The following FAM107B variants were observed in gnomAD, a reference collection of about 807,000 sequenced individuals.
FAM107B encodes protein FAM107B.
In FAM107B, 21 loss-of-function variants were observed where a neutral mutation model predicts 31.5. That is an observed-to-expected ratio of 0.67 (90% CI 0.47 to 0.96). The LOEUF is 0.96. FAM107B is among the 40% of genes least tolerant of loss of function. FAM107B has a pLI of 0.00. For missense variants in FAM107B, 452 were observed against 377.1 expected, an observed-to-expected ratio of 1.20 and a Z score of -1.64; for synonymous variants, 157 against 141.5, an observed-to-expected ratio of 1.11 and a Z score of -0.78.
intron 1 of FAM107B, among the ~76,000 whole-genome samples, chr10:14,769,357 C>A (rs1450792311): frequency 6.6e-6 from 1 of 152,026 alleles, no homozygotes; most frequent in Non-Finnish European, 1.5e-5. Context: ...GCCCTGTTTC[C>A]CTTCACTTTT....
At chr10:14,645,757 T>C (rs1319599723) in intron 2 of FAM107B, among the ~76,000 whole-genome samples, 1 of 152,234 alleles carries the variant, frequency 6.6e-6, no homozygotes, top group Non-Finnish European at 1.5e-5. Context: ...TTTTTTACTA[T>C]TCCCAGCTCC....
At chr10:14,629,285 A>T (rs1454189529) in intron 2 of FAM107B, among the ~76,000 whole-genome samples, 1 of 113,424 alleles carries the variant, frequency 8.8e-6, no homozygotes, top group African/African-American at 3.4e-5. Context: ...ATATATTATA[A>T]ATATAAATTG....
chr10:14,708,185 C>A (rs906903147), intron 1 of FAM107B, among the ~76,000 whole-genome samples: 1 of 152,164 alleles, frequency 6.6e-6, no homozygotes, highest in African/African-American at 2.4e-5. Context: ...TCAAGAGATT[C>A]TCCTTTCTCA....
rs555653869 is a variant in FAM107B at position 14,760,893 on chromosome 10, T to C, written c.411+13360A>G. Among the ~76,000 whole-genome samples the C allele has an allele frequency of 1.3e-3, 201 of 151,776 alleles. 2 individuals carry two copies. In the South Asian group the frequency reaches 0.04, roughly 30 times the overall value. On this transcript the variant is annotated intron_variant, in intron 1 of 4. Coordinates refer to ENST00000181796, the MANE Select transcript of FAM107B (RefSeq NM_031453.4). ...TCAGCATGGTGGCACATGCTTGTAA[T>C]TTCAGCTACTCGAGAGACTGAGGCA...
At chr10:14,628,176 G>C (rs1853223237) in intron 2 of FAM107B, among the ~76,000 whole-genome samples, 1 of 138,022 alleles carries the variant, frequency 7.2e-6, no homozygotes, top group Non-Finnish European at 1.5e-5. Flanking sequence ...GAGTGCAGTG[G>C]CGCGATCTCA....
At chr10:14,608,755 G>C (rs773596816) in intron 2 of FAM107B, among the ~76,000 whole-genome samples, 15 of 152,174 alleles carry the variant, frequency 9.9e-5, no homozygotes, top group Non-Finnish European at 1.9e-4. Flanking sequence ...AATGTCACAA[G>C]GTCAGCCCAA....
In FAM107B at chr10:14,629,484, C is replaced by T. The variant is rs1202877373; in HGVS notation, c.469+38150G>A. Reference sequence around the variant, plus strand: ...ATATATATATTTAATATATATATAACATATATAATATATATATATTTAATA... The same window carrying T: ...ATATATATATTTAATATATATATAATATATATAATATATATATATTTAATA... On this transcript the variant is annotated intron_variant, in intron 2 of 4. Coordinates refer to ENST00000181796, the MANE Select transcript of FAM107B (RefSeq NM_031453.4). Among the ~76,000 whole-genome samples, 411 of 100,882 alleles carry T rather than the reference C, an allele frequency of 4.1e-3. 17 individuals carry two copies. The highest frequency in any genetic ancestry group is 9.5e-3 in the African/African-American group (218 of 22,864). 66.2% of individuals were successfully genotyped at this position (100,882 alleles called of 152,430 possible). A position where few individuals can be genotyped will look rare whatever the true frequency, so the allele number is the denominator to read the frequency against.
At chr10:14,672,075 T>A (rs1564621125) in intron 1 of FAM107B, among the ~76,000 whole-genome samples, 1 of 139,028 alleles carries the variant, frequency 7.2e-6, no homozygotes, top group Non-Finnish European at 1.5e-5. Context: ...TCATGAGTTT[T>A]TTTCTTTCTT....
At chr10:14,625,266 G>T (rs537946196) in intron 2 of FAM107B, among the ~76,000 whole-genome samples, 1 of 150,534 alleles carries the variant, frequency 6.6e-6, no homozygotes, top group Non-Finnish European at 1.5e-5. Flanking sequence ...GTGCGTGTGT[G>T]TGTGTGTGTG....
At chr10:14,567,541 G>A (rs1303374002) in intron 2 of FAM107B, among the ~76,000 whole-genome samples, 2 of 152,180 alleles carry the variant, frequency 1.3e-5, no homozygotes, top group Non-Finnish European at 2.9e-5. Flanking sequence ...GGATCATAGA[G>A]AGGCAACTGT....
At chr10:14,599,474 G>T (rs947541545) in intron 2 of FAM107B, among the ~76,000 whole-genome samples, 16 of 152,094 alleles carry the variant, frequency 1.1e-4, no homozygotes, top group African/African-American at 3.4e-4. Context: ...CAGACCACAG[G>T]GCCTGTTTTA....
In FAM107B at chr10:14,552,480, A is replaced by AC. The variant is rs1438557273; in HGVS notation, c.470-21966_470-21965insG. 1.9e-4 allele frequency among the ~76,000 whole-genome samples: 29 copies of AC among 151,714 alleles called. No homozygotes were observed. In the South Asian group the frequency reaches 5.2e-3, roughly 27 times the overall value. The stretch of plus-strand genomic sequence containing the variant: ...ACACACACCCAACAATGAAAAAAAA[A>AC]AATGAAGTCAACGTTTCCAGGAGAA... On this transcript the variant is annotated intron_variant, in intron 2 of 4. Transcript: ENST00000181796.
intron 1 of FAM107B, among the ~76,000 whole-genome samples, chr10:14,708,244 AT>A (rs201255942): frequency 1.0e-3 from 152 of 151,842 alleles, no homozygotes; most frequent in African/African-American, 3.3e-3. Flanking sequence ...CACCTGGCTA[AT>A]TTTTTTTTAA....
At chr10:14,686,641 C>A (rs1015971886) in intron 1 of FAM107B, among the ~76,000 whole-genome samples, 4 of 152,202 alleles carry the variant, frequency 2.6e-5, no homozygotes, top group African/African-American at 7.2e-5. Flanking sequence ...TTTTTCTAGT[C>A]CGTGCTGAAG....
chr10:14,681,913 T>C (rs1046589246), intron 1 of FAM107B, among the ~76,000 whole-genome samples: 3 of 152,192 alleles, frequency 2.0e-5, no homozygotes, highest in East Asian at 1.9e-4. Context: ...TCGTGGTTGA[T>C]ATCATGGGTT....
chr10:14,772,362 A>AAAAATAT (rs10651238), intron 1 of FAM107B, among the ~76,000 whole-genome samples: 13 of 145,640 alleles, frequency 8.9e-5, no homozygotes, highest in African/African-American at 2.9e-4. Context: ...TTAAAAAAAA[A>AAAAATAT]ATATATATAT....
Position 14,774,583 on chromosome 10 carries a change from C to T in FAM107B, c.81G>A (p.Leu27=), listed in dbSNP as rs770690754. 1 of 1,614,176 alleles carries T rather than the reference C, an allele frequency of 6.2e-7. No homozygotes were observed. Among genetic ancestry groups the T allele is most frequent in the Admixed American group, 1.7e-5 (1 of 60,022 alleles). ...RSMHPFPCSA[L]LACFGNTRES... ...CCCTCGTATTCCCAAAACAGGCGAG[C>T]AGAGCTGAGCACGGAAATGGATGCA... Residue 27 remains leucine, a synonymous_variant, in exon 1 of 5, where the codon CTG becomes CTA. Coordinates refer to ENST00000181796, the MANE Select transcript of FAM107B (RefSeq NM_031453.4).
intron 2 of FAM107B, among the ~76,000 whole-genome samples, chr10:14,663,887 C>CAAAAAAAAAAAAA (rs3035297): frequency 2.5e-5 from 2 of 80,388 alleles, no homozygotes; most frequent in African/African-American, 5.7e-5. Context: ...GATCATCAGC[C>CAAAAAAAAAAAAA]AAAAAAAAAA....
At chr10:14,635,693 G>A (rs61251917) in intron 2 of FAM107B, among the ~76,000 whole-genome samples, 5,952 of 152,056 alleles carry the variant, frequency 0.039, 181 homozygotes, top group East Asian at 0.13. Context: ...GTACAGTGGC[G>A]TGATCTCAGC....
Sources: gnomAD v4.1 joint callset for allele counts (sites outside exome capture counted in the v4.1 genomes callset) on GRCh38, gnomAD v4.1.1 for gene constraint, MANE v1.5 for transcripts, NCBI Gene and HGNC (gene_info 2026-07-23, HGNC 2026-07-21) for gene names.